ATP9A: variants seen among roughly 807,000 people sequenced by gnomAD.
ATP9A encodes the protein probable phospholipid-transporting ATPase IIA.
In ATP9A, 52 loss-of-function variants were observed where a neutral mutation model predicts 144.1. The ratio of observed to expected loss-of-function variants is 0.36; its 90% confidence interval spans 0.29 to 0.45. The LOEUF (loss-of-function observed/expected upper bound fraction) is 0.45, where lower values mean the gene tolerates loss of function less well. ATP9A is among the 20% of genes least tolerant of loss of function. ATP9A has a pLI of 1.00. For synonymous variants in ATP9A, 582 were observed against 557.4 expected (o/e 1.04, Z -0.62); for missense variants, 947 against 1,392.7 (o/e 0.68, Z 5.09).
chr20:51,651,902 G>C (rs2077368317), intron 14 of ATP9A, among the ~76,000 whole-genome samples: 1 of 152,122 alleles, frequency 6.6e-6, no homozygotes, highest in South Asian at 2.1e-4. Context: ...GGGCGACAGA[G>C]CAAGACTCTG....
At chr20:51,738,377 G>A (rs2077771319) in intron 1 of ATP9A, among the ~76,000 whole-genome samples, 1 of 152,112 alleles carries the variant, frequency 6.6e-6, no homozygotes. Context: ...ATATAGATTG[G>A]GGCAAGTAGG....
intron 9 of ATP9A, among the ~76,000 whole-genome samples, chr20:51,682,440 A>G (rs2077503817): frequency 6.6e-6 from 1 of 152,028 alleles, no homozygotes; most frequent in Non-Finnish European, 1.5e-5. Context: ...AGCCCTGCCT[A>G]TGCCAGATGC....
intron 2 of ATP9A, among the ~76,000 whole-genome samples, chr20:51,729,293 TG>T (rs1342082066): frequency 6.6e-6 from 1 of 152,136 alleles, no homozygotes; most frequent in African/African-American, 2.4e-5. Flanking sequence ...ACTGAGCAGG[TG>T]GGGTCACAGC....
intron 9 of ATP9A, among the ~76,000 whole-genome samples, chr20:51,678,878 G>T (rs1170130232): frequency 6.6e-6 from 1 of 152,180 alleles, no homozygotes; most frequent in Non-Finnish European, 1.5e-5. Flanking sequence ...CACAGGCTCT[G>T]CCTCCACAAG....
chr20:51,686,063 G>T (rs977879793), intron 9 of ATP9A, among the ~76,000 whole-genome samples: 5 of 152,170 alleles, frequency 3.3e-5, no homozygotes, highest in African/African-American at 1.2e-4. Context: ...CATGCCCTTT[G>T]TAGGGACATG....
At chr20:51,633,900 G>C (rs1187999013) in intron 15 of ATP9A, among the ~76,000 whole-genome samples, 2 of 146,666 alleles carry the variant, frequency 1.4e-5, no homozygotes, top group Non-Finnish European at 3.0e-5. Flanking sequence ...AAGAGGGAGG[G>C]AGGGAGGAAG....
rs6126324 is a variant in ATP9A, at chr20:51,721,822, G to T, written c.327+3997C>A. ...TCTCAAAAAAAAAAAAAAAGAAAAAGAAAAAAGAAAAAACAATTCTAAAAT... is the reference window on the plus strand; with the variant it reads ...TCTCAAAAAAAAAAAAAAAGAAAAATAAAAAAGAAAAAACAATTCTAAAAT... On this transcript the variant is annotated intron_variant, in intron 3 of 27. Transcript: ENST00000338821. 3.4e-3 allele frequency among the ~76,000 whole-genome samples: 497 copies of T among 144,438 alleles called. 6 individuals are homozygous for T. The highest frequency in any genetic ancestry group is 0.022 in the South Asian group (98 of 4,530). 94.8% of individuals were successfully genotyped at this position (144,438 alleles called of 152,430 possible).
intron 14 of ATP9A, among the ~76,000 whole-genome samples, chr20:51,642,321 A>C (rs529373512): frequency 1.3e-5 from 2 of 151,934 alleles, no homozygotes; most frequent in South Asian, 4.2e-4. Context: ...CATCTGCCTA[A>C]TTTTTGTAAT....
intron 1 of ATP9A, among the ~76,000 whole-genome samples, chr20:51,752,014 GA>G (rs1568847693): frequency 6.6e-6 from 1 of 150,802 alleles, no homozygotes; most frequent in Non-Finnish European, 1.5e-5. Context: ...TGCTCTCACA[GA>G]GCCTACATTT....
At chr20:51,661,634 G>A (rs2077411249) in intron 13 of ATP9A, among the ~76,000 whole-genome samples, 1 of 148,468 alleles carries the variant, frequency 6.7e-6, no homozygotes, top group South Asian at 2.1e-4. Context: ...GCCTCCCAAA[G>A]TGCTGGGATT....
At chr20:51,643,025 T>G (rs567386973) in intron 14 of ATP9A, among the ~76,000 whole-genome samples, 2 of 152,312 alleles carry the variant, frequency 1.3e-5, no homozygotes, top group Non-Finnish European at 2.9e-5. Flanking sequence ...TATTTCTCAT[T>G]TCTGCTCCAG....
chr20:51,621,767 C>G (rs1371800087), intron 19 of ATP9A, among the ~76,000 whole-genome samples: 1 of 152,154 alleles, frequency 6.6e-6, no homozygotes, highest in Non-Finnish European at 1.5e-5. Flanking sequence ...ATGAGTGGAT[C>G]TGCATCTTTC....
chr20:51,671,295 G>GT, intron 11 of ATP9A, 38 bp from the exon 12 acceptor site: 1 of 1,597,964 alleles, frequency 6.3e-7, no homozygotes, highest in South Asian at 1.1e-5. Context: ...TAACAGGACA[G>GT]ATGTAAGGCT....
At chr20:51,757,604 T>C (rs1437233358) in intron 1 of ATP9A, among the ~76,000 whole-genome samples, 1 of 152,100 alleles carries the variant, frequency 6.6e-6, no homozygotes, top group Non-Finnish European at 1.5e-5. Context: ...AAATTCTGTT[T>C]AGACAAAAAT....
intron 14 of ATP9A, among the ~76,000 whole-genome samples, chr20:51,655,686 C>A (rs546710662): frequency 6.6e-6 from 1 of 152,018 alleles, no homozygotes; most frequent in Non-Finnish European, 1.5e-5. Context: ...CTGGTAGATA[C>A]GTAAAATAGC....
chr20:51,756,183 G>T (rs2077855073), intron 1 of ATP9A, among the ~76,000 whole-genome samples: 1 of 152,036 alleles, frequency 6.6e-6, no homozygotes, highest in South Asian at 2.1e-4. Context: ...CAAGGTGTCA[G>T]CAGGGTTGGT....
intron 14 of ATP9A, among the ~76,000 whole-genome samples, chr20:51,642,927 G>A (rs753617472): frequency 2.0e-5 from 3 of 151,878 alleles, no homozygotes; most frequent in Non-Finnish European, 4.4e-5. Context: ...TCAAGCTGGA[G>A]CTCAAAACTG....
chr20:51,631,936 C>T (rs1021904152), intron 15 of ATP9A, among the ~76,000 whole-genome samples: 10 of 150,114 alleles, frequency 6.7e-5, no homozygotes, highest in Non-Finnish European at 1.3e-4. Flanking sequence ...TTTGTGGGTG[C>T]AAGAAGGTGC....
chr20:51,636,396 T>G (rs900346899), intron 15 of ATP9A, among the ~76,000 whole-genome samples: 3 of 152,234 alleles, frequency 2.0e-5, no homozygotes, highest in Non-Finnish European at 4.4e-5. Flanking sequence ...TAACTGAACC[T>G]GCAGATAAGT....
Sources: allele counts gnomAD v4.1 joint callset (sites outside exome capture counted in the v4.1 genomes callset), GRCh38; gene constraint gnomAD v4.1.1; transcripts MANE v1.5; gene names NCBI Gene and HGNC (gene_info 2026-07-23, HGNC 2026-07-21).